UNC5D: variants seen among roughly 807,000 people sequenced by gnomAD.
The protein encoded by UNC5D is netrin receptor UNC5D.
A neutral mutation model predicts 105.4 loss-of-function variants in UNC5D; 39 were observed. That is an observed-to-expected ratio of 0.37 (90% CI 0.29 to 0.48). The LOEUF (loss-of-function observed/expected upper bound fraction) is 0.48. Among genes scored for constraint, UNC5D ranks in the 20% least tolerant of loss-of-function variants. The pLI is 0.98. For missense variants in UNC5D, 991 were observed against 1,202.4 expected, an observed-to-expected ratio of 0.82 and a Z score of 2.60; for synonymous variants, 452 against 450.4, an observed-to-expected ratio of 1.00 and a Z score of -0.04.
chr8:35,324,004 A>G (rs1241859382), intron 1 of UNC5D, among the ~76,000 whole-genome samples: 1 of 152,020 alleles, frequency 6.6e-6, no homozygotes, highest in Non-Finnish European at 1.5e-5. Context: ...CCAAGGCAGG[A>G]AGACGGTTTG....
chr8:35,461,749 A>G (rs1359630158), intron 1 of UNC5D, among the ~76,000 whole-genome samples: 1 of 152,220 alleles, frequency 6.6e-6, no homozygotes, highest in Non-Finnish European at 1.5e-5. Context: ...AGGGCAGGTG[A>G]CAGTAAGGAG....
Position 35,549,656 on chromosome 8 carries a change from T to C in UNC5D, c.322+146T>C, listed in dbSNP as rs1220472688. The C allele has an allele frequency of 6.5e-6, 5 of 774,912 alleles. No individual in the cohort carries two copies. In the East Asian group the frequency reaches 1.4e-4, roughly 21 times the overall value. 48.0% of individuals were successfully genotyped at this position (774,912 alleles called of 1,614,324 possible). ...ATCACTCCCAGCATATAAGATGCAA[T>C]CCTTTTCTTCAAATGACCCTACAGC... On this transcript the variant is annotated intron_variant, in intron 2 of 16. Coordinates refer to ENST00000404895, the MANE Select transcript of UNC5D (RefSeq NM_080872.4).
intron 1 of UNC5D, among the ~76,000 whole-genome samples, chr8:35,323,182 CTTTTTCT>C (rs1196024661): frequency 1.7e-5 from 2 of 115,694 alleles, no homozygotes; most frequent in East Asian, 2.4e-4. Context: ...TCTAATTTTT[CTTTTTCT>C]TTTTTTTTTT....
intron 1 of UNC5D, among the ~76,000 whole-genome samples, chr8:35,380,288 C>G (rs2128931657): frequency 6.6e-6 from 1 of 151,636 alleles, no homozygotes; most frequent in African/African-American, 2.4e-5. Context: ...CCTAGTCCCA[C>G]TATGAGGACC....
chr8:35,507,190 G>A (rs1295137818), intron 1 of UNC5D, among the ~76,000 whole-genome samples: 1 of 149,932 alleles, frequency 6.7e-6, no homozygotes, highest in African/African-American at 2.5e-5. Flanking sequence ...CAAGTAGCTG[G>A]GACTACAGGC....
At chr8:35,601,702 G>A (rs1047513832) in intron 4 of UNC5D, among the ~76,000 whole-genome samples, 1 of 152,212 alleles carries the variant, frequency 6.6e-6, no homozygotes, top group African/African-American at 2.4e-5. Flanking sequence ...ATTTTGGGCT[G>A]AGACGATGGG....
At chr8:35,312,982 G>T (rs936179856) in intron 1 of UNC5D, among the ~76,000 whole-genome samples, 52 of 152,306 alleles carry the variant, frequency 3.4e-4, no homozygotes, top group African/African-American at 1.2e-3. Context: ...CAGATGGTGA[G>T]ATAGTTCTGT....
Position 35,726,417 on chromosome 8 carries a change from C to A in UNC5D, c.1569C>A (p.Pro523=). Reference sequence around the variant, plus strand: ...ACCACAGCTTTAGTACAATGCATCCCAGAAATAAAATGCCCTACATCCAAA... The same window carrying A: ...ACCACAGCTTTAGTACAATGCATCCAAGAAATAAAATGCCCTACATCCAAA... The part of the protein sequence containing the change: ...GNNHSFSTMH[P]RNKMPYIQNL... Residue 523 remains proline (P), a synonymous_variant, in exon 10 of 17, where the codon CCC becomes CCA. Transcript: ENST00000404895. 2 of 1,614,142 alleles carry A rather than the reference C, an allele frequency of 1.2e-6. No individual in the cohort carries two copies. Among genetic ancestry groups the A allele is most frequent in the East Asian group, 4.5e-5 (2 of 44,886 alleles).
intron 1 of UNC5D, among the ~76,000 whole-genome samples, chr8:35,348,189 T>C (rs1271851304): frequency 2.0e-5 from 3 of 151,924 alleles, no homozygotes; most frequent in Non-Finnish European, 4.4e-5. Context: ...TGTATTAAAG[T>C]ATATTTAAGT....
intron 1 of UNC5D, among the ~76,000 whole-genome samples, chr8:35,382,135 T>G: frequency 6.6e-6 from 1 of 152,234 alleles, no homozygotes; most frequent in East Asian, 1.9e-4. Context: ...CCTAACACAG[T>G]AGACCCAGCA....
chr8:35,447,748 A>G (rs1807890640), intron 1 of UNC5D, among the ~76,000 whole-genome samples: 1 of 152,040 alleles, frequency 6.6e-6, no homozygotes, highest in Non-Finnish European at 1.5e-5. Flanking sequence ...CAAGGAAAAA[A>G]TTACTTTAGT....
At chr8:35,406,022 ATTAAG>A (rs1210756680) in intron 1 of UNC5D, among the ~76,000 whole-genome samples, 4 of 152,330 alleles carry the variant, frequency 2.6e-5, no homozygotes, top group Admixed American at 1.3e-4. Context: ...TTAATGTAGC[ATTAAG>A]TTAATTATGG....
At chr8:35,493,304 A>AAAC (rs1811334288) in intron 1 of UNC5D, among the ~76,000 whole-genome samples, 2 of 140,570 alleles carry the variant, frequency 1.4e-5, no homozygotes, top group Admixed American at 7.1e-5. Flanking sequence ...AAAAAAAAAA[A>AAAC]CACACCAAAA....
intron 1 of UNC5D, chr8:35,525,732 A>C: frequency 1.9e-6 from 3 of 1,580,798 alleles, no homozygotes; most frequent in Non-Finnish European, 2.6e-6. Flanking sequence ...CTGGCTCCCA[A>C]CGCTGAAGTA....
At chr8:35,695,341 C>G (rs947065951) in intron 7 of UNC5D, among the ~76,000 whole-genome samples, 12 of 152,104 alleles carry the variant, frequency 7.9e-5, no homozygotes, top group African/African-American at 2.7e-4. Context: ...GTTCTAAAAT[C>G]TTATGATTCT....
Position 35,750,770 on chromosome 8 carries a change from G to A in UNC5D, c.2124G>A (p.Leu708=). 6.2e-7 allele frequency: 1 copy of A among 1,614,140 alleles called. No individual in the cohort carries two copies. Among genetic ancestry groups the A allele is most frequent in the Non-Finnish European group, 8.5e-7 (1 of 1,180,000 alleles). Residue 708 remains leucine (L), a synonymous_variant, in exon 13 of 17, where the codon TTG becomes TTA. Coordinates refer to ENST00000404895, the MANE Select transcript of UNC5D (RefSeq NM_080872.4). The part of the protein sequence containing the change: ...CMSCNSLDYN[L]RVYCVDNTPC... ...CCTGTAACTCCCTGGATTACAACTT[G>A]AGAGTTTACTGTGTGGACAATACCC...
intron 9 of UNC5D, 89 bp from the exon 10 acceptor site, chr8:35,726,063 G>T (rs1171156029): frequency 6.7e-7 from 1 of 1,496,108 alleles, no homozygotes; most frequent in East Asian, 2.3e-5. Flanking sequence ...CACCTATGCA[G>T]GCTGTTGCGC....
At chr8:35,252,907 T>G (rs1803809678) in intron 1 of UNC5D, among the ~76,000 whole-genome samples, 1 of 152,154 alleles carries the variant, frequency 6.6e-6, no homozygotes, top group Non-Finnish European at 1.5e-5. Flanking sequence ...TGATTTCCAG[T>G]CATTTACTGG....
chr8:35,364,878 T>C (rs1197533766), intron 1 of UNC5D, among the ~76,000 whole-genome samples: 6 of 152,200 alleles, frequency 3.9e-5, no homozygotes, highest in Non-Finnish European at 5.9e-5. Flanking sequence ...AAAAGTAGTA[T>C]TGAAATTTCT....
Sources: allele counts gnomAD v4.1 joint callset (sites outside exome capture counted in the v4.1 genomes callset), GRCh38; gene constraint gnomAD v4.1.1; transcripts MANE v1.5; gene names NCBI Gene and HGNC (gene_info 2026-07-23, HGNC 2026-07-21).